Variants in TRPS1 observed in about 807,000 individuals in gnomAD.
The protein encoded by TRPS1 is transcriptional repressor GATA binding 1.
A neutral mutation model predicts 101.2 loss-of-function variants in TRPS1; 6 were observed. The observed-to-expected ratio is 0.06, with a 90% CI of 0.03 to 0.12. The LOEUF (loss-of-function observed/expected upper bound fraction) is 0.12, where lower values mean the gene tolerates loss of function less well. Among genes scored for constraint, TRPS1 ranks in the 10% least tolerant of loss-of-function variants. The pLI is 1.00. For synonymous variants in TRPS1, 578 were observed against 589.8 expected (o/e 0.98, Z 0.29); for missense variants, 1,363 against 1,567.0 (o/e 0.87, Z 2.20).
chr8:115,414,048 T>C lies in TRPS1; in HGVS notation c.3860A>G (p.Glu1287Gly). 1 of 1,613,718 alleles carries C rather than the reference T, an allele frequency of 6.2e-7. No individual in the cohort carries two copies. The highest frequency in any genetic ancestry group is 1.3e-5 in the African/African-American group (1 of 75,004). ...TTACTCTTTAGGTTTTCCATTTTTT[T>C]CCACTTGTGCATTGTTCCTATGCAG... ...RGLHRNNAQV[E>G]KNGKPKE is the part of the protein sequence containing the mutation. The change falls in exon 7 of 7, where the codon GAA (glutamate) becomes GGA (glycine). Residue 1287 changes from glutamate to glycine, a missense_variant. Physicochemically the swap from Glu to Gly is moderately conservative, Grantham distance 98. This residue lies in a region of TRPS1 where 307 missense variants were observed against 392.4 expected (regional missense o/e 0.78). Transcript: ENST00000395715. This position sits in a 1 kb window ranked among gnomAD's most constrained non-coding sequence, Gnocchi z 4.8.
At chr8:115,633,084 A>T (rs751202001) in intron 1 of TRPS1, among the ~76,000 whole-genome samples, 2 of 152,116 alleles carry the variant, frequency 1.3e-5, no homozygotes, top group Admixed American at 1.3e-4. Flanking sequence ...TTGATGAGCA[A>T]ATCAAGCAAT....
chr8:115,474,253 T>C (rs1303594724), intron 5 of TRPS1, among the ~76,000 whole-genome samples: 1 of 152,114 alleles, frequency 6.6e-6, no homozygotes, highest in Non-Finnish European at 1.5e-5. Context: ...GAGTTTTCTG[T>C]TATATTTACT....
Position 115,623,196 on chromosome 8 carries a change from T to C in TRPS1, c.37+405A>G, listed in dbSNP as rs548386300. 4.6e-5 allele frequency among the ~76,000 whole-genome samples: 7 copies of C among 152,162 alleles called. 1 individual carries two copies. The highest frequency in any genetic ancestry group is 1.7e-4 in the African/African-American group (7 of 41,542). ...ATGCTGAATAGAGCCCTTAATAATA[T>C]ACATTGCAAAGACTGTTAAACTGCT... On this transcript the variant is annotated intron_variant, in intron 2 of 6. Coordinates refer to ENST00000395715, the MANE Select transcript of TRPS1 (RefSeq NM_014112.5).
chr8:115,646,252 A>G (rs1429751895), intron 1 of TRPS1, among the ~76,000 whole-genome samples: 2 of 152,130 alleles, frequency 1.3e-5, no homozygotes, highest in Non-Finnish European at 2.9e-5. Flanking sequence ...CTCACAGCCT[A>G]TGGGTGAGAA....
chr8:115,500,306 G>A (rs1815284043), intron 5 of TRPS1, among the ~76,000 whole-genome samples: 1 of 152,078 alleles, frequency 6.6e-6, no homozygotes, highest in Non-Finnish European at 1.5e-5. Context: ...GGGATTACAG[G>A]TGTGAGGCAC....
At chr8:115,569,564 G>A (rs1476940052) in intron 5 of TRPS1, among the ~76,000 whole-genome samples, 1 of 152,080 alleles carries the variant, frequency 6.6e-6, no homozygotes, top group Non-Finnish European at 1.5e-5. Context: ...ATCCAGGTTT[G>A]TCTCTAGTTA....
Position 115,413,642 on chromosome 8 carries a change from T to C in TRPS1, c.*381A>G, listed in dbSNP as rs565707766. On this transcript the variant is annotated 3_prime_UTR_variant, in exon 7 of 7. Transcript: ENST00000395715. The stretch of plus-strand genomic sequence containing the variant: ...AATGGTCCAATGGCCAGTCCAGTAC[T>C]GCTTTAGTATAATAATATGTAAACC... 7.8e-5 allele frequency: 15 copies of C among 192,188 alleles called. No individual in the cohort carries two copies. In the East Asian group the frequency reaches 1.9e-3, roughly 25 times the overall value. 11.9% of individuals were successfully genotyped at this position (192,188 alleles called of 1,614,324 possible).
At chr8:115,484,711 G>A (rs1165786587) in intron 5 of TRPS1, among the ~76,000 whole-genome samples, 3 of 152,178 alleles carry the variant, frequency 2.0e-5, no homozygotes, top group African/African-American at 7.2e-5. Context: ...AAATCTGACA[G>A]TAGGGGTAAG....
At chr8:115,519,635 A>T (rs11315823) in intron 5 of TRPS1, among the ~76,000 whole-genome samples, 151,535 of 151,536 alleles carry the variant, frequency 1, 75,767 homozygotes, top group Non-Finnish European at 1. Flanking sequence ...GTCAGAAAAT[A>T]CAGGATACAT....
chr8:115,429,160 A>T (rs1375835797), intron 5 of TRPS1, among the ~76,000 whole-genome samples: 1 of 152,210 alleles, frequency 6.6e-6, no homozygotes, highest in African/African-American at 2.4e-5. Flanking sequence ...AGTCAATTAC[A>T]CAGGAAAGTC....
Position 115,496,604 on chromosome 8 carries a change from CA to C in TRPS1, c.2701-78153del, listed in dbSNP as rs578205464. The stretch of plus-strand genomic sequence containing the variant: ...AAGGCTATCATTTATTATAAAGTGC[CA>C]GGGGAGAAAAAAATTAGTAAATTAA... On this transcript the variant is annotated intron_variant, in intron 5 of 6. Coordinates refer to ENST00000395715, the MANE Select transcript of TRPS1 (RefSeq NM_014112.5). 1.3e-4 allele frequency among the ~76,000 whole-genome samples: 19 copies of C among 151,940 alleles called. No homozygotes were observed. In the South Asian group the frequency reaches 3.9e-3, roughly 32 times the overall value.
chr8:115,501,337 A>G (rs1171593664), intron 5 of TRPS1, among the ~76,000 whole-genome samples: 1 of 152,238 alleles, frequency 6.6e-6, no homozygotes, highest in African/African-American at 2.4e-5. Context: ...TCTGTCCTCA[A>G]GGTGTATACC....
chr8:115,617,098 C>T lies in TRPS1; in HGVS notation c.966+2034G>A, dbSNP rs548894179. On this transcript the variant is annotated intron_variant, in intron 3 of 6. Coordinates refer to ENST00000395715, the MANE Select transcript of TRPS1 (RefSeq NM_014112.5). ...TTATCCTCACAAATTGAAGTTAACCCTTTAGATGCGTTTCAAAATCCAATT... is the reference window on the plus strand; with the variant it reads ...TTATCCTCACAAATTGAAGTTAACCTTTTAGATGCGTTTCAAAATCCAATT... Among the ~76,000 whole-genome samples the T allele has an allele frequency of 3.3e-5, 5 of 152,306 alleles. No homozygotes were observed. The South Asian group carries it at 1.0e-3, about 32-fold the overall frequency.
In TRPS1 at chr8:115,604,158, T is replaced by C. The variant is rs1817974832; in HGVS notation, c.1811A>G (p.Asn604Ser). 1 of 1,613,936 alleles carries C rather than the reference T, an allele frequency of 6.2e-7. No homozygotes were observed. Among genetic ancestry groups the C allele is most frequent in the African/African-American group, 1.3e-5 (1 of 74,898 alleles). Reference protein sequence around the residue: ...ITYPFACRKSNCSHCALLLLH... With the variant: ...ITYPFACRKSSCSHCALLLLH... ...AAGCAAGAGTGCACAGTGGGAACAA[T>C]TACTTTTTCTACAAGCAAACGGATA... Residue 604 changes from asparagine (N) to serine (S), a missense_variant, in exon 4 of 7, where the codon AAT (asparagine) becomes AGT (serine). Physicochemically the swap from Asn to Ser is conservative, Grantham distance 46. Transcript: ENST00000395715. This position sits in a 1 kb window ranked among gnomAD's most constrained non-coding sequence, Gnocchi z 4.1.
At chr8:115,496,251 G>A (rs1477945271) in intron 5 of TRPS1, among the ~76,000 whole-genome samples, 1 of 152,172 alleles carries the variant, frequency 6.6e-6, no homozygotes, top group Non-Finnish European at 1.5e-5. Flanking sequence ...CTAATTGGCA[G>A]AAACACAATT....
At chr8:115,417,049 G>T (rs1461229196) in intron 6 of TRPS1, among the ~76,000 whole-genome samples, 1 of 151,864 alleles carries the variant, frequency 6.6e-6, no homozygotes, top group Non-Finnish European at 1.5e-5. Context: ...CTTACCTCTG[G>T]AGAGATGAAT....
At chr8:115,534,619 T>C (rs1816236431) in intron 5 of TRPS1, among the ~76,000 whole-genome samples, 1 of 152,242 alleles carries the variant, frequency 6.6e-6, no homozygotes, top group Non-Finnish European at 1.5e-5. Flanking sequence ...CTTTGTGTCA[T>C]GTAAAGACAA....
At chr8:115,641,692 C>T (rs1380570091) in intron 1 of TRPS1, among the ~76,000 whole-genome samples, 2 of 152,120 alleles carry the variant, frequency 1.3e-5, no homozygotes, top group Non-Finnish European at 1.5e-5. Flanking sequence ...TCACCCTGGC[C>T]AACATGGTGA....
intron 5 of TRPS1, among the ~76,000 whole-genome samples, chr8:115,440,297 A>C (rs1319418570): frequency 1.3e-5 from 2 of 152,214 alleles, no homozygotes; most frequent in African/African-American, 4.8e-5. Context: ...AGAAGTAGAA[A>C]ATGTAAGGAG....
Sources: allele counts gnomAD v4.1 joint callset (sites outside exome capture counted in the v4.1 genomes callset), GRCh38; gene constraint gnomAD v4.1.1; regional missense constraint gnomAD v4.1.1; non-coding constraint Gnocchi (gnomAD v3.1); transcripts MANE v1.5; gene names NCBI Gene and HGNC (gene_info 2026-07-23, HGNC 2026-07-21).